RAP1A: variants seen among roughly 807,000 people sequenced by gnomAD.
RAP1A encodes RAP1A, member of RAS oncogene family.
RAP1A carries 6 observed loss-of-function variants against 26.4 expected under a neutral mutation model. The ratio of observed to expected loss-of-function variants is 0.23; its 90% CI spans 0.12 to 0.45. The LOEUF is 0.45. RAP1A is among the 20% of genes least tolerant of loss of function. RAP1A has a pLI of 0.99. For missense variants in RAP1A, 121 were observed against 217.2 expected, an observed-to-expected ratio of 0.56 and a Z score of 2.78; for synonymous variants, 73 against 79.4, an observed-to-expected ratio of 0.92 and a Z score of 0.43.
At chr1:111,634,911 A>G (rs778733849) in intron 1 of RAP1A, among the ~76,000 whole-genome samples, 5 of 152,064 alleles carry the variant, frequency 3.3e-5, no homozygotes, top group Non-Finnish European at 4.4e-5. Context: ...CCAAAGTGCT[A>G]GGGTTACAGG....
intron 1 of RAP1A, among the ~76,000 whole-genome samples, chr1:111,603,536 C>T (rs1300781870): frequency 6.6e-6 from 1 of 152,132 alleles, no homozygotes; most frequent in African/African-American, 2.4e-5. Flanking sequence ...CAGAATGTTC[C>T]TTTAGCTTGT....
chr1:111,634,070 C>T (rs185148339), intron 1 of RAP1A, among the ~76,000 whole-genome samples: 1 of 152,314 alleles, frequency 6.6e-6, no homozygotes, highest in East Asian at 1.9e-4. Context: ...TATAACAACA[C>T]TCCCATAACC....
intron 1 of RAP1A, among the ~76,000 whole-genome samples, chr1:111,663,406 A>G (rs1041103881): frequency 4.6e-5 from 7 of 152,194 alleles, no homozygotes; most frequent in Admixed American, 6.5e-5. Context: ...AGTGCTTTCC[A>G]TTCTTGTCTT....
chr1:111,662,768 G>A (rs956416495), intron 1 of RAP1A, among the ~76,000 whole-genome samples: 2 of 152,190 alleles, frequency 1.3e-5, no homozygotes, highest in Non-Finnish European at 2.9e-5. Context: ...TTACTTAACA[G>A]AAACCAGTGA....
chr1:111,652,900 C>T (rs983421300), intron 1 of RAP1A, among the ~76,000 whole-genome samples: 10 of 152,108 alleles, frequency 6.6e-5, no homozygotes, highest in African/African-American at 1.4e-4. Context: ...AGTTATCTTA[C>T]GACCCAGCAG....
At chr1:111,605,819 G>A (rs1232667719) in intron 1 of RAP1A, among the ~76,000 whole-genome samples, 1 of 152,238 alleles carries the variant, frequency 6.6e-6, no homozygotes, top group Admixed American at 6.5e-5. Flanking sequence ...GCAGCTGGGG[G>A]CAGCAGGGCT....
At chr1:111,558,111 AT>A (rs1350983311) in intron 1 of RAP1A, among the ~76,000 whole-genome samples, 2 of 152,194 alleles carry the variant, frequency 1.3e-5, no homozygotes, top group Non-Finnish European at 2.9e-5. Context: ...ATAGAAATTA[AT>A]TTAAATATAA....
chr1:111,655,269 A>G (rs1332095454), intron 1 of RAP1A, among the ~76,000 whole-genome samples: 1 of 151,450 alleles, frequency 6.6e-6, no homozygotes, highest in Non-Finnish European at 1.5e-5. Flanking sequence ...AATAAAACAA[A>G]AAAAAAAACA....
chr1:111,691,405 G>A lies in RAP1A; in HGVS notation c.45G>A (p.Gly15=), dbSNP rs1305250689. The A allele has an allele frequency of 6.2e-7, 1 of 1,612,722 alleles. No individual in the cohort carries two copies. The highest frequency in any genetic ancestry group is 8.5e-7 in the Non-Finnish European group (1 of 1,178,892). Residue 15 remains glycine (G), a synonymous_variant, in exon 2 of 8, where the codon GGG becomes GGA. Transcript: ENST00000369709. ...KLVVLGSGGV[G]KSALTVQFVQ... ...TGGTCCTTGGTTCAGGAGGCGTTGGGAAGTCTGCTCTGGTAAGTTAGCCAC... is the reference window on the plus strand; with the variant it reads ...TGGTCCTTGGTTCAGGAGGCGTTGGAAAGTCTGCTCTGGTAAGTTAGCCAC...
At position 111,546,860 on chromosome 1, in the gene RAP1A, G is replaced by A. The variant is rs542911337; in HGVS notation, c.-28+4351G>A. ...AGGAATTGTCATATTGGTTTTCACA[G>A]TGGCTGCACCAGTTTACATTCCTAC... On this transcript the variant is annotated intron_variant, in intron 1 of 7. Coordinates refer to the RAP1A transcript ENST00000356415. Among the ~76,000 whole-genome samples, 32 of 152,278 alleles carry A rather than the reference G, an allele frequency of 2.1e-4. 1 individual carries two copies. The highest frequency in any genetic ancestry group is 7.7e-4 in the African/African-American group (32 of 41,568).
rs139465131 is a variant in RAP1A, at chr1:111,553,425, G to A, written c.-28+10916G>A. Reference sequence around the variant, plus strand: ...CCACTATGCTATGATTAATAGAGTCGTTTGTCTCTGACTCAGGAGTCTCAT... The same window carrying A: ...CCACTATGCTATGATTAATAGAGTCATTTGTCTCTGACTCAGGAGTCTCAT... On this transcript the variant is annotated intron_variant, in intron 1 of 7. Coordinates refer to the RAP1A transcript ENST00000356415. 2.9e-4 allele frequency among the ~76,000 whole-genome samples: 44 copies of A among 152,250 alleles called. No homozygotes were observed. The East Asian group carries it at 7.7e-3, about 27-fold the overall frequency.
chr1:111,632,200 T>G (rs1251168246), intron 1 of RAP1A, among the ~76,000 whole-genome samples: 6 of 144,358 alleles, frequency 4.2e-5, no homozygotes, highest in African/African-American at 1.5e-4. Context: ...CTGGGTCATT[T>G]AATGGTTAGT....
chr1:111,630,822 A>C (rs1318816397), intron 1 of RAP1A, among the ~76,000 whole-genome samples: 1 of 152,232 alleles, frequency 6.6e-6, no homozygotes, highest in East Asian at 1.9e-4. Flanking sequence ...TGAGGTTGAT[A>C]GGGAACAGCT....
intron 1 of RAP1A, among the ~76,000 whole-genome samples, chr1:111,544,489 G>A (rs996511838): frequency 6.6e-6 from 1 of 152,028 alleles, no homozygotes; most frequent in Non-Finnish European, 1.5e-5. Flanking sequence ...ATTTCTTTCA[G>A]CATAATGTTT....
chr1:111,654,732 T>A (rs1477558624), intron 1 of RAP1A, among the ~76,000 whole-genome samples: 3 of 151,390 alleles, frequency 2.0e-5, no homozygotes, highest in African/African-American at 7.3e-5. Flanking sequence ...GACTTCTACC[T>A]GATAAGTGGT....
At chr1:111,639,299 A>G (rs1020361684) in intron 1 of RAP1A, among the ~76,000 whole-genome samples, 1 of 152,150 alleles carries the variant, frequency 6.6e-6, no homozygotes, top group South Asian at 2.1e-4. Context: ...TAGATGTTAT[A>G]GTAGGTAACA....
At chr1:111,703,576 A>G (rs1662089812) in intron 5 of RAP1A, 100 bp downstream of exon 5, 3 of 1,174,528 alleles carry the variant, frequency 2.6e-6, no homozygotes, top group African/African-American at 3.1e-5. Context: ...GAAGCTATCT[A>G]CCACATGCCT....
intron 1 of RAP1A, among the ~76,000 whole-genome samples, chr1:111,555,845 T>G (rs961787302): frequency 2.0e-5 from 3 of 152,140 alleles, no homozygotes; most frequent in Non-Finnish European, 2.9e-5. Context: ...TTCACAGCAT[T>G]GGATTTGGCA....
chr1:111,594,567 GGGAA>G (rs199741781), intron 1 of RAP1A, among the ~76,000 whole-genome samples: 107 of 141,568 alleles, frequency 7.6e-4, no homozygotes, highest in African/African-American at 1.1e-3. Flanking sequence ...AAAGGAGGGA[GGGAA>G]GGAAGGAAGG....
Sources: allele counts gnomAD v4.1 joint callset (sites outside exome capture counted in the v4.1 genomes callset), GRCh38; gene constraint gnomAD v4.1.1; transcripts MANE v1.5; gene names NCBI Gene and HGNC (gene_info 2026-07-23, HGNC 2026-07-21).